SREBF1: variants seen among roughly 807,000 people sequenced by gnomAD.
SREBF1 encodes sterol regulatory element-binding protein 1.
In SREBF1, 45 loss-of-function variants were observed where a neutral mutation model predicts 100.1. That is an observed-to-expected ratio of 0.45 (90% CI 0.35 to 0.58). SREBF1 has a LOEUF of 0.58. Among genes scored for constraint, SREBF1 ranks in the 20% least tolerant of loss-of-function variants. The pLI, the probability that SREBF1 is intolerant of heterozygous loss-of-function variation, is 0.00. For synonymous variants in SREBF1, 657 were observed against 681.8 expected, an observed-to-expected ratio of 0.96 and a Z score of 0.57; for missense variants, 1,324 against 1,539.4, an observed-to-expected ratio of 0.86 and a Z score of 2.34.
intron 1 of SREBF1, among the ~76,000 whole-genome samples, chr17:17,830,741 C>T (rs1255007409): frequency 5.3e-5 from 8 of 152,234 alleles, no homozygotes; most frequent in Admixed American, 3.9e-4. Context: ...AGGGGACCCA[C>T]ACCTGGAGCC....
chr17:17,823,333 G>A (rs1412723233), intron 1 of SREBF1, among the ~76,000 whole-genome samples: 2 of 152,186 alleles, frequency 1.3e-5, no homozygotes, highest in African/African-American at 4.8e-5. Flanking sequence ...AGTTGCAGGG[G>A]ACACTAATTT....
chr17:17,820,718 G>A, intron 1 of SREBF1, 197 bp from the exon 2 acceptor site: 2 of 648,744 alleles, frequency 3.1e-6, no homozygotes, highest in Non-Finnish European at 5.6e-6. Flanking sequence ...GAGCACCTGT[G>A]CTGTCTAAAG....
In SREBF1 at chr17:17,818,553, C is replaced by T. The variant is rs1328776197; in HGVS notation, c.1069-179G>A. The T allele has an allele frequency of 6.3e-6, 4 of 637,450 alleles. No individual in the cohort carries two copies. In the Admixed American group the frequency reaches 6.4e-5, roughly 10 times the overall value. 39.5% of individuals were successfully genotyped at this position (637,450 alleles called of 1,614,324 possible). On this transcript the variant is annotated intron_variant, in intron 5 of 18. Coordinates refer to ENST00000261646, the MANE Select transcript of SREBF1 (RefSeq NM_004176.5). ...GCCTAGTAGCACCCACCTCCCAGGC[C>T]GGGCATAGGGTTAGAATGTAAGATG...
Position 17,824,662 on chromosome 17 carries a change from C to A in SREBF1, c.92-4141G>T, listed in dbSNP as rs1291945125. Among the ~76,000 whole-genome samples, 1 of 152,178 alleles carries A rather than the reference C, an allele frequency of 6.6e-6. No homozygotes were observed. The highest frequency in any genetic ancestry group is 1.5e-5 in the Non-Finnish European group (1 of 68,028). On this transcript the variant is annotated intron_variant, in intron 1 of 18. Coordinates refer to ENST00000261646, the MANE Select transcript of SREBF1 (RefSeq NM_004176.5). This position sits in a 1 kb window ranked among gnomAD's most constrained non-coding sequence, Gnocchi z 4.2. The stretch of plus-strand genomic sequence containing the variant: ...GCAGCCAAGTAGACCACCAGCAAAG[C>A]CTGCCTCTGCCCCAAACTGCAGGCC...
chr17:17,811,815 G>C lies in SREBF1; in HGVS notation c.*807C>G, dbSNP rs1332497651. ...GGGGACAGAGCTGGGAGGTGAGAAG[G>C]GACAACTGACCCCATGGAGGCCCTA... On this transcript the variant is annotated 3_prime_UTR_variant, in exon 19 of 19. Coordinates refer to ENST00000261646, the MANE Select transcript of SREBF1 (RefSeq NM_004176.5). The C allele has an allele frequency of 2.2e-6, 1 of 450,886 alleles. No homozygotes were observed. Among genetic ancestry groups the C allele is most frequent in the Non-Finnish European group, 4.5e-6 (1 of 224,484 alleles). The allele number at this position is 450,886 out of a possible 1,614,324, so 27.9% of individuals were successfully genotyped here.
At chr17:17,829,579 T>C (rs1306506864) in intron 1 of SREBF1, among the ~76,000 whole-genome samples, 1 of 152,164 alleles carries the variant, frequency 6.6e-6, no homozygotes, top group African/African-American at 2.4e-5. Context: ...GAAACCGCCA[T>C]CTGTGGCCAG....
chr17:17,814,688 G>GCAGCCAGTGGATCACCA lies in SREBF1; in HGVS notation c.2645_2661dup (p.Arg888TrpfsTer2). The GCAGCCAGTGGATCACCA allele has an allele frequency of 6.3e-7, 1 of 1,596,930 alleles. No individual in the cohort carries two copies. The highest frequency in any genetic ancestry group is 8.5e-7 in the Non-Finnish European group (1 of 1,174,480). ...CGCTCAGCCGCCTCCTCATCCCGCC[G>GCAGCCAGTGGATCACCA]CAGCCAGTGGATCACCACAGCTGTC... On this transcript the variant is annotated stop_gained and frameshift_variant, in exon 15 of 19. Transcript: ENST00000261646. LOFTEE classifies it high-confidence loss of function.
At position 17,815,207 on chromosome 17, in the gene SREBF1, A is replaced by G; in HGVS notation, c.2492+14T>C. 6.2e-7 allele frequency: 1 copy of G among 1,610,360 alleles called. No homozygotes were observed. On this transcript the variant is annotated intron_variant, in intron 13 of 18. Coordinates refer to ENST00000261646, the MANE Select transcript of SREBF1 (RefSeq NM_004176.5). ...GGAGGGGCCTTGCCTGGAGGAGGGC[A>G]CAACGACACTTACTTGTCCCCATCA...
Position 17,816,645 on chromosome 17 carries a change from T to A in SREBF1, c.1859A>T (p.His620Leu), listed in dbSNP as rs367557510. ...GAGGAGGCTACAAGCCAGGTCCAGGTGGGAGGTGGGCAGGGGCCGGCCCAG... is the reference window on the plus strand; with the variant it reads ...GAGGAGGCTACAAGCCAGGTCCAGGAGGGAGGTGGGCAGGGGCCGGCCCAG... ...RALGRPLPTS[H>L]LDLACSLLWN... Residue 620 changes from histidine (H) to leucine (L), a missense_variant, in exon 10 of 19, where the codon CAC becomes CTC. Physicochemically the swap from His to Leu is moderately conservative, Grantham distance 99. Transcript: ENST00000261646. The A allele has an allele frequency of 6.5e-5, 103 of 1,595,006 alleles. No individual in the cohort carries two copies. The African/African-American group carries it at 9.9e-4, about 15-fold the overall frequency.
rs372600642 is a variant in SREBF1 at position 17,814,539 on chromosome 17, T to G, written c.2735+76A>C. 1.4e-5 allele frequency: 22 copies of G among 1,535,672 alleles called. No individual in the cohort carries two copies. In the African/African-American group the frequency reaches 3.0e-4, roughly 21 times the overall value. On this transcript the variant is annotated intron_variant, in intron 15 of 18. Coordinates refer to ENST00000261646, the MANE Select transcript of SREBF1 (RefSeq NM_004176.5). ...GACTCCTCCTGCACAGAACAAAGGC[T>G]GAGTGAGGCACAGTGCCCAGGGGAT...
chr17:17,820,381 T>A lies in SREBF1; in HGVS notation c.232A>T (p.Thr78Ser), dbSNP rs1365463230. Residue 78 changes from threonine (T) to serine (S), a missense_variant, in exon 2 of 19, where the codon ACA (threonine) becomes TCA (serine). By Grantham distance (58) the Thr-to-Ser change is moderately conservative. Coordinates refer to ENST00000261646, the MANE Select transcript of SREBF1 (RefSeq NM_004176.5). The stretch of plus-strand genomic sequence containing the variant: ...AAGGCTTCAAGAGAGGAGCTCAATG[T>A]GGCAGGAGGTGGAGACAAGCTGCCT... The part of the protein sequence containing the change: ...SPGSLSPPPA[T>S]LSSSLEAFLS... 1 of 1,612,256 alleles carries A rather than the reference T, an allele frequency of 6.2e-7. No homozygotes were observed. Among genetic ancestry groups the A allele is most frequent in the African/African-American group, 1.3e-5 (1 of 74,884 alleles).
chr17:17,819,909 T>C, intron 2 of SREBF1, 181 bp downstream of exon 2: 1 of 1,160,076 alleles, frequency 8.6e-7, no homozygotes, highest in Non-Finnish European at 1.2e-6. Flanking sequence ...CAGTGCGAGG[T>C]TGCGCCTACC....
rs894460380 is a variant in SREBF1, at chr17:17,813,429, T to C, written c.3153A>G (p.Thr1051=). 1.9e-6 allele frequency: 3 copies of C among 1,600,702 alleles called. No homozygotes were observed. Among genetic ancestry groups the C allele is most frequent in the African/African-American group, 1.3e-5 (1 of 74,756 alleles). ...TARLMAGASP[T]RTHQLLDRSL... ...TGCGGTCGAGGAGCTGGTGTGTCCGTGTGGGGCTGGCCCCCGCCATCAGCC... is the reference window on the plus strand; with the variant it reads ...TGCGGTCGAGGAGCTGGTGTGTCCGCGTGGGGCTGGCCCCCGCCATCAGCC... Residue 1051 remains threonine (T), a synonymous_variant, in exon 18 of 19, where the codon ACA becomes ACG. Coordinates refer to ENST00000261646, the MANE Select transcript of SREBF1 (RefSeq NM_004176.5).
chr17:17,812,503 A>G lies in SREBF1; in HGVS notation c.*119T>C. 1 of 1,064,870 alleles carries G rather than the reference A, an allele frequency of 9.4e-7. No individual in the cohort carries two copies. The allele number at this position is 1,064,870 out of a possible 1,614,324, so 66.0% of individuals were successfully genotyped here. On this transcript the variant is annotated 3_prime_UTR_variant, in exon 19 of 19. Transcript: ENST00000261646. Reference sequence around the variant, plus strand: ...GAAGGCACACAGCAGCCGCAGGTCGAACTGTGGAGGCCAGAGTCTCTTGCA... The same window carrying G: ...GAAGGCACACAGCAGCCGCAGGTCGGACTGTGGAGGCCAGAGTCTCTTGCA...
intron 1 of SREBF1, among the ~76,000 whole-genome samples, chr17:17,821,718 C>T (rs774921261): frequency 5.9e-5 from 9 of 152,176 alleles, no homozygotes; most frequent in Non-Finnish European, 1.0e-4. Flanking sequence ...GCCCACTCTT[C>T]CTAGGGCAGC....
chr17:17,815,266 C>T lies in SREBF1; in HGVS notation c.2447G>A (p.Cys816Tyr), dbSNP rs577605504. The T allele has an allele frequency of 6.2e-7, 1 of 1,613,730 alleles. No homozygotes were observed. Among genetic ancestry groups the T allele is most frequent in the African/African-American group, 1.3e-5 (1 of 75,046 alleles). ...AGGGCTGGGGTTGGGCTGGGTCACA[C>T]AGTTCAGTGCTCGCTCTAAGAGATG... is the stretch of plus-strand genomic sequence containing the variant. ...REHLLERALNCVTQPNPSPGS... is the reference protein window; with the variant it reads ...REHLLERALNYVTQPNPSPGS... Residue 816 changes from cysteine to tyrosine, a missense_variant, in exon 13 of 19, where the codon TGT becomes TAT. By Grantham distance (194) the Cys-to-Tyr change is radical. Transcript: ENST00000261646.
intron 1 of SREBF1, among the ~76,000 whole-genome samples, chr17:17,822,961 C>T (rs1018676561): frequency 1.3e-5 from 2 of 152,162 alleles, no homozygotes; most frequent in African/African-American, 4.8e-5. Flanking sequence ...GTTTGTGGAC[C>T]CCCCAGGTCA....
rs1336498003 is a variant in SREBF1 at position 17,824,190 on chromosome 17, T to TGCC, written c.92-3672_92-3670dup. Among the ~76,000 whole-genome samples, 1 of 152,196 alleles carries TGCC rather than the reference T, an allele frequency of 6.6e-6. No individual in the cohort carries two copies. The highest frequency in any genetic ancestry group is 1.5e-5 in the Non-Finnish European group (1 of 68,040). On this transcript the variant is annotated intron_variant, in intron 1 of 18. Coordinates refer to ENST00000261646, the MANE Select transcript of SREBF1 (RefSeq NM_004176.5). The surrounding 1 kb of genome is among the most constrained non-coding windows in gnomAD (Gnocchi z 4.2). ...GAAGCGTTTAATTAAGGCCAAGGGC[T>TGCC]GCCGAGTGGCAGCTGCGGTGGGTGC...
chr17:17,811,584 A>G lies in SREBF1; in HGVS notation c.*1038T>C. On this transcript the variant is annotated 3_prime_UTR_variant, in exon 19 of 19. Coordinates refer to ENST00000261646, the MANE Select transcript of SREBF1 (RefSeq NM_004176.5). ...TCAGGGAGTCGGCCTTTCACAGAAC[A>G]GGAAACCTCCCCCGCCCCTGTGCCC... 2 of 386,128 alleles carry G rather than the reference A, an allele frequency of 5.2e-6. No homozygotes were observed. Among genetic ancestry groups the G allele is most frequent in the South Asian group, 1.8e-5 (1 of 54,874 alleles). The allele number at this position is 386,128 out of a possible 1,614,324, so 23.9% of individuals were successfully genotyped here.
Sources: gnomAD v4.1 joint callset for allele counts (sites outside exome capture counted in the v4.1 genomes callset) on GRCh38, gnomAD v4.1.1 for gene constraint, Gnocchi (gnomAD v3.1) non-coding constraint, MANE v1.5 for transcripts, NCBI Gene and HGNC (gene_info 2026-07-23, HGNC 2026-07-21) for gene names.